RGS7: variants seen among roughly 807,000 people sequenced by gnomAD.
RGS7 encodes regulator of G-protein signaling 7.
Under a neutral mutation model 81.1 loss-of-function variants are expected in RGS7, and 27 were observed. That is an observed-to-expected ratio of 0.33 (90% confidence interval 0.25 to 0.46). The LOEUF (loss-of-function observed/expected upper bound fraction) is 0.46, where lower values mean the gene tolerates loss of function less well. Ranked by LOEUF, RGS7 falls within the 20% of genes least tolerant of loss-of-function variation. The probability of loss-of-function intolerance (pLI) is 1.00; values close to 1 mark genes in which losing one functional copy is unlikely to be tolerated. For missense variants in RGS7, 396 were observed against 607.4 expected, an observed-to-expected ratio of 0.65 and a Z score of 3.66; for synonymous variants, 208 against 207.7, an observed-to-expected ratio of 1.00 and a Z score of -0.01.
chr1:241,295,197 C>T (rs1248319836), intron 2 of RGS7, among the ~76,000 whole-genome samples: 5 of 151,946 alleles, frequency 3.3e-5, no homozygotes, highest in South Asian at 2.1e-4. Flanking sequence ...GCCTGTAATC[C>T]CAGCACTTTG....
At chr1:241,300,219 A>G (rs903196016) in intron 2 of RGS7, among the ~76,000 whole-genome samples, 2 of 152,136 alleles carry the variant, frequency 1.3e-5, no homozygotes, top group Non-Finnish European at 2.9e-5. Context: ...CTACCCCACT[A>G]TCAACACCCT....
intron 18 of RGS7, among the ~76,000 whole-genome samples, chr1:240,788,747 G>A (rs1033642303): frequency 1.3e-5 from 2 of 152,212 alleles, no homozygotes; most frequent in Non-Finnish European, 2.9e-5. Context: ...GACAAAGACA[G>A]AATAATTCTA....
At position 241,027,078 on chromosome 1, in the gene RGS7, C is replaced by T. The variant is rs916734752; in HGVS notation, c.176-43949G>A. ...ATTAGCCAGGCGGGGTGGTACGTGC[C>T]TGTAGTTCCAGATGCTCAGGAGGCT... On this transcript the variant is annotated intron_variant, in intron 3 of 18. Coordinates refer to ENST00000440928, the MANE Select transcript of RGS7 (RefSeq NM_001364886.1). Among the ~76,000 whole-genome samples the T allele has an allele frequency of 3.3e-5, 5 of 150,828 alleles. No homozygotes were observed. The East Asian group carries it at 9.7e-4, about 29-fold the overall frequency.
At chr1:241,223,039 C>T (rs1018583349) in intron 2 of RGS7, among the ~76,000 whole-genome samples, 2 of 152,068 alleles carry the variant, frequency 1.3e-5, no homozygotes, top group Non-Finnish European at 2.9e-5. Flanking sequence ...GTATATGTGG[C>T]ACATTTTCTT....
chr1:241,304,547 TACAGCTGGGTATAAAAGCAAATCAC>T (rs1558295083), intron 2 of RGS7, among the ~76,000 whole-genome samples: 1 of 152,090 alleles, frequency 6.6e-6, no homozygotes, highest in Non-Finnish European at 1.5e-5. Context: ...CTCTGGGTGC[TACAGCTGGGTATAAAAGCAAATCAC>T]TCAGCAGGAG....
intron 2 of RGS7, among the ~76,000 whole-genome samples, chr1:241,138,623 C>T (rs987417716): frequency 1.3e-5 from 2 of 152,182 alleles, no homozygotes; most frequent in Admixed American, 6.5e-5. Flanking sequence ...AAGGTGATTG[C>T]GTAGCCGGTG....
intron 6 of RGS7, among the ~76,000 whole-genome samples, chr1:240,897,090 T>C (rs577624927): frequency 8.7e-4 from 132 of 152,312 alleles, no homozygotes; most frequent in Non-Finnish European, 1.5e-3. Flanking sequence ...TTGTCTGTTA[T>C]TGGTGTACAG....
At chr1:241,024,181 G>A (rs2059678494) in intron 3 of RGS7, among the ~76,000 whole-genome samples, 1 of 152,198 alleles carries the variant, frequency 6.6e-6, no homozygotes, top group Non-Finnish European at 1.5e-5. Flanking sequence ...ATACTTCAAA[G>A]GGAAATAATA....
At chr1:241,236,061 C>T (rs2075957438) in intron 2 of RGS7, among the ~76,000 whole-genome samples, 1 of 152,066 alleles carries the variant, frequency 6.6e-6, no homozygotes, top group African/African-American at 2.4e-5. Flanking sequence ...CAGTTTGAGA[C>T]CATGAGATGA....
At chr1:240,848,231 T>C (rs769215102) in intron 9 of RGS7, among the ~76,000 whole-genome samples, 17 of 152,136 alleles carry the variant, frequency 1.1e-4, no homozygotes, top group Non-Finnish European at 1.6e-4. Context: ...ATTAAAGTGA[T>C]TTGCAAAAGT....
chr1:240,811,591 T>C (rs1689865478), intron 14 of RGS7, among the ~76,000 whole-genome samples: 1 of 152,244 alleles, frequency 6.6e-6, no homozygotes, highest in African/African-American at 2.4e-5. Flanking sequence ...TTGAACTTCA[T>C]AAATGTTATT....
chr1:241,033,525 T>C (rs1484133753), intron 3 of RGS7, among the ~76,000 whole-genome samples: 1 of 152,068 alleles, frequency 6.6e-6, no homozygotes, highest in Non-Finnish European at 1.5e-5. Context: ...TATATAAAAA[T>C]GATATTTTGA....
chr1:240,877,989 C>T (rs548947611), intron 6 of RGS7, among the ~76,000 whole-genome samples: 15 of 152,208 alleles, frequency 9.9e-5, no homozygotes, highest in Non-Finnish European at 2.9e-5. Flanking sequence ...CTACTACTTC[C>T]CATCTCATCT....
chr1:241,186,277 C>A (rs1411178524), intron 2 of RGS7, among the ~76,000 whole-genome samples: 2 of 152,064 alleles, frequency 1.3e-5, no homozygotes, highest in Non-Finnish European at 2.9e-5. Flanking sequence ...AGGATTTATT[C>A]ATAATTTCCC....
chr1:240,958,312 G>T (rs535393525), intron 4 of RGS7, among the ~76,000 whole-genome samples: 1 of 152,306 alleles, frequency 6.6e-6, no homozygotes, highest in Non-Finnish European at 1.5e-5. Context: ...CATTACAAAG[G>T]ATCCTTGTAT....
chr1:240,969,846 G>C (rs1242489226), intron 4 of RGS7, among the ~76,000 whole-genome samples: 1 of 152,216 alleles, frequency 6.6e-6, no homozygotes, highest in South Asian at 2.1e-4. Flanking sequence ...TCTGTGAAGT[G>C]AAGGTGACAT....
intron 3 of RGS7, among the ~76,000 whole-genome samples, chr1:241,038,081 A>C (rs1418655670): frequency 6.6e-6 from 1 of 152,208 alleles, no homozygotes; most frequent in Non-Finnish European, 1.5e-5. Context: ...AATGTAATAA[A>C]ATGTAATAAC....
chr1:241,087,074 C>G (rs533150726), intron 3 of RGS7, among the ~76,000 whole-genome samples: 2 of 152,152 alleles, frequency 1.3e-5, no homozygotes, highest in Non-Finnish European at 2.9e-5. Context: ...GTGATCCCCT[C>G]GAGGACAGAC....
intron 6 of RGS7, among the ~76,000 whole-genome samples, chr1:240,925,658 G>A (rs570219487): frequency 2.0e-5 from 3 of 152,292 alleles, no homozygotes; most frequent in South Asian, 4.1e-4. Context: ...TGGGATTGCT[G>A]GGATGAATAT....
Sources: allele counts gnomAD v4.1 joint callset (sites outside exome capture counted in the v4.1 genomes callset), GRCh38; gene constraint gnomAD v4.1.1; transcripts MANE v1.5; gene names NCBI Gene and HGNC (gene_info 2026-07-23, HGNC 2026-07-21).